VSNL1: variants seen among roughly 807,000 people sequenced by gnomAD.
VSNL1 encodes visinin-like protein 1.
A neutral mutation model predicts 20.4 loss-of-function variants in VSNL1; 6 were observed. That is an observed-to-expected ratio of 0.29 (90% CI 0.16 to 0.58). The LOEUF is 0.58. Among genes scored for constraint, VSNL1 ranks in the 20% least tolerant of loss-of-function variants. VSNL1 has a pLI of 0.90. For synonymous variants in VSNL1, 93 were observed against 86.4 expected (o/e 1.08, Z -0.42); for missense variants, 100 against 234.5 (o/e 0.43, Z 3.75).
At chr2:17,603,144 C>T (rs1290025649) in intron 2 of VSNL1, among the ~76,000 whole-genome samples, 4 of 152,200 alleles carry the variant, frequency 2.6e-5, no homozygotes, top group African/African-American at 9.6e-5. Context: ...AACAGAGAGA[C>T]AACCTAAGAA....
At chr2:17,574,840 C>G (rs1464772539) in intron 1 of VSNL1, among the ~76,000 whole-genome samples, 2 of 152,194 alleles carry the variant, frequency 1.3e-5, no homozygotes, top group African/African-American at 2.4e-5. Flanking sequence ...GATCACGGCT[C>G]ACTGCAGCCT....
chr2:17,602,865 T>C (rs1199668893), intron 2 of VSNL1, among the ~76,000 whole-genome samples: 3 of 152,202 alleles, frequency 2.0e-5, no homozygotes, highest in Non-Finnish European at 4.4e-5. Flanking sequence ...AACAAACAAC[T>C]ATAGAATGGC....
At chr2:17,582,599 C>T (rs1344169195) in intron 1 of VSNL1, among the ~76,000 whole-genome samples, 6 of 151,912 alleles carry the variant, frequency 3.9e-5, no homozygotes, top group South Asian at 2.1e-4. Context: ...TACAGAAACA[C>T]GAAATAGAGA....
intron 1 of VSNL1, among the ~76,000 whole-genome samples, chr2:17,550,735 C>G (rs924620067): frequency 1.2e-4 from 19 of 152,144 alleles, no homozygotes; most frequent in African/African-American, 3.4e-4. Context: ...TGGATAAGCT[C>G]TTGAACTCAT....
intron 2 of VSNL1, among the ~76,000 whole-genome samples, chr2:17,619,825 G>A (rs1041616124): frequency 5.9e-5 from 9 of 151,482 alleles, no homozygotes; most frequent in Non-Finnish European, 8.8e-5. Flanking sequence ...AATGGTACTA[G>A]ACACCGGGGA....
At chr2:17,544,827 T>G (rs1337171081) in intron 1 of VSNL1, among the ~76,000 whole-genome samples, 1 of 152,170 alleles carries the variant, frequency 6.6e-6, no homozygotes, top group Admixed American at 6.5e-5. Context: ...GCATAGTGAA[T>G]ATAAACATTA....
intron 2 of VSNL1, among the ~76,000 whole-genome samples, chr2:17,625,515 G>A (rs935863354): frequency 3.9e-5 from 6 of 152,086 alleles, no homozygotes; most frequent in Admixed American, 3.3e-4. Context: ...CTAAATTAGC[G>A]ACACTCTCTG....
chr2:17,543,670 C>T (rs1663345343), intron 1 of VSNL1, among the ~76,000 whole-genome samples: 1 of 152,164 alleles, frequency 6.6e-6, no homozygotes, highest in Non-Finnish European at 1.5e-5. Flanking sequence ...GAGAGTAGTG[C>T]AGCTTTTTCA....
intron 2 of VSNL1, among the ~76,000 whole-genome samples, chr2:17,628,142 G>A (rs987893666): frequency 2.0e-5 from 3 of 152,206 alleles, no homozygotes; most frequent in Admixed American, 6.5e-5. Flanking sequence ...AGGTTAAGAA[G>A]CTCAAATCCA....
Position 17,647,378 on chromosome 2 carries a change from C to A in VSNL1, c.163-2032C>A, listed in dbSNP as rs892878184. On this transcript the variant is annotated intron_variant, in intron 2 of 3. Transcript: ENST00000295156. Reference sequence around the variant, plus strand: ...GGACTTGGGAACCTGTCCAGGGGCTCGCTCTGCTCCACTCCAAGTCAGTTC... The same window carrying A: ...GGACTTGGGAACCTGTCCAGGGGCTAGCTCTGCTCCACTCCAAGTCAGTTC... 3.9e-5 allele frequency among the ~76,000 whole-genome samples: 6 copies of A among 152,246 alleles called. No homozygotes were observed. In the Middle Eastern group the frequency reaches 0.014, roughly 345 times the overall value.
At chr2:17,628,404 G>C (rs972834196) in intron 2 of VSNL1, among the ~76,000 whole-genome samples, 12 of 151,880 alleles carry the variant, frequency 7.9e-5, no homozygotes, top group Non-Finnish European at 1.5e-4. Context: ...TAATTTTGAA[G>C]GTCCTTGAAT....
intron 2 of VSNL1, among the ~76,000 whole-genome samples, chr2:17,636,752 A>G (rs1218793820): frequency 6.6e-6 from 1 of 151,906 alleles, no homozygotes; most frequent in Non-Finnish European, 1.5e-5. Context: ...TAATATGGCT[A>G]TTAGAAAAAT....
At chr2:17,654,291 T>C (rs1026786839) in intron 3 of VSNL1, among the ~76,000 whole-genome samples, 6 of 152,228 alleles carry the variant, frequency 3.9e-5, no homozygotes, top group African/African-American at 9.6e-5. Context: ...GTCTGGATAA[T>C]TGAAATCTTC....
At chr2:17,567,493 G>A (rs1025464972) in intron 1 of VSNL1, 2 of 151,550 alleles carry the variant, frequency 1.3e-5, no homozygotes, top group Non-Finnish European at 2.9e-5. Flanking sequence ...GGAGTAGCTG[G>A]GACTACAGGC....
chr2:17,562,717 A>G (rs1572333802), intron 1 of VSNL1, among the ~76,000 whole-genome samples: 1 of 152,254 alleles, frequency 6.6e-6, no homozygotes, highest in East Asian at 1.9e-4. Flanking sequence ...CTCCAGAGCC[A>G]TCAGGAACCA....
chr2:17,543,801 G>A (rs1320434004), intron 1 of VSNL1, among the ~76,000 whole-genome samples: 2 of 152,142 alleles, frequency 1.3e-5, no homozygotes, highest in Non-Finnish European at 2.9e-5. Context: ...AAGGTGACCC[G>A]CCTAACTGGC....
chr2:17,636,376 C>T (rs543297745), intron 2 of VSNL1, among the ~76,000 whole-genome samples: 27 of 152,284 alleles, frequency 1.8e-4, no homozygotes, highest in South Asian at 8.3e-4. Flanking sequence ...AACACACAAA[C>T]CCCTGCTTCC....
At chr2:17,601,760 C>T (rs563562750) in intron 2 of VSNL1, among the ~76,000 whole-genome samples, 1 of 152,088 alleles carries the variant, frequency 6.6e-6, no homozygotes, top group African/African-American at 2.4e-5. Context: ...CATGGAGAAA[C>T]CCCGTCTCTA....
chr2:17,635,798 C>G (rs1394724114), intron 2 of VSNL1, among the ~76,000 whole-genome samples: 1 of 152,160 alleles, frequency 6.6e-6, no homozygotes, highest in Admixed American at 6.5e-5. Context: ...AAGTGTCTCC[C>G]ATGTGCCTGA....
Sources: allele counts gnomAD v4.1 joint callset (sites outside exome capture counted in the v4.1 genomes callset), GRCh38; gene constraint gnomAD v4.1.1; transcripts MANE v1.5; gene names NCBI Gene and HGNC (gene_info 2026-07-23, HGNC 2026-07-21).